The following SYMPK variants were observed in gnomAD, a reference collection of about 807,000 sequenced individuals.
The protein encoded by SYMPK is symplekin scaffold protein.
A neutral mutation model predicts 136.4 loss-of-function variants in SYMPK; 49 were observed. The ratio of observed to expected loss-of-function variants is 0.36; its 90% CI spans 0.29 to 0.46. SYMPK has a LOEUF of 0.46. Among genes scored for constraint, SYMPK ranks in the 20% least tolerant of loss-of-function variants. The pLI is 1.00. For synonymous variants in SYMPK, 766 were observed against 713.0 expected, an observed-to-expected ratio of 1.07 and a Z score of -1.19; for missense variants, 1,365 against 1,690.0, an observed-to-expected ratio of 0.81 and a Z score of 3.37.
At chr19:45,824,367 A>C (rs1325426100) in intron 18 of SYMPK, among the ~76,000 whole-genome samples, 1 of 152,060 alleles carries the variant, frequency 6.6e-6, no homozygotes, top group African/African-American at 2.4e-5. Flanking sequence ...CTCCTGACTA[A>C]AACCGACTGT....
At chr19:45,847,677 G>C (rs1971597966) in intron 7 of SYMPK, 75 bp downstream of exon 7, 1 of 1,532,530 alleles carries the variant, frequency 6.5e-7, no homozygotes, top group Non-Finnish European at 8.8e-7. Context: ...AAGACAAGGG[G>C]GAGAGAGGGA....
At chr19:45,834,018 T>G (rs563552705) in intron 11 of SYMPK, among the ~76,000 whole-genome samples, 1 of 152,204 alleles carries the variant, frequency 6.6e-6, no homozygotes, top group East Asian at 1.9e-4. Flanking sequence ...CCGGGTGCAC[T>G]GGCTCACACC....
Position 45,838,550 on chromosome 19 carries a change from C to T in SYMPK, c.1153G>A (p.Ala385Thr). The T allele has an allele frequency of 6.2e-7, 1 of 1,614,164 alleles. No individual in the cohort carries two copies. Among genetic ancestry groups the T allele is most frequent in the Non-Finnish European group, 8.5e-7 (1 of 1,180,024 alleles). The change falls in exon 10 of 27, where the codon GCC becomes ACC. Residue 385 changes from alanine (A) to threonine (T), a missense_variant. Around this residue, in one of 11 missense-constraint regions of SYMPK, gnomAD observed 111 missense variants for 141.2 expected, o/e 0.79. Coordinates refer to ENST00000245934, the MANE Select transcript of SYMPK (RefSeq NM_004819.3). ...GACTGGCCGGAGATCTGCGCTGAGG[C>T]CTTCGAGGTCCCCGACGGGCCTGGC... is the stretch of plus-strand genomic sequence containing the variant. ...LEPGPSGTSK[A>T]SAQISGQSDT...
Position 45,848,081 on chromosome 19 carries a change from A to C in SYMPK, c.427-80T>G, listed in dbSNP as rs1971611456. ...CATCAATCACCAACACCCTCTGCCA[A>C]TACCCAGAGAACCATGAATGATGAA... On this transcript the variant is annotated intron_variant, in intron 6 of 26. Coordinates refer to ENST00000245934, the MANE Select transcript of SYMPK (RefSeq NM_004819.3). 7 of 1,471,720 alleles carry C rather than the reference A, an allele frequency of 4.8e-6. No individual in the cohort carries two copies. The East Asian group carries it at 1.4e-4, about 29-fold the overall frequency. 91.2% of individuals were successfully genotyped at this position (1,471,720 alleles called of 1,614,324 possible).
intron 7 of SYMPK, among the ~76,000 whole-genome samples, chr19:45,846,904 G>A (rs763268951): frequency 3.3e-5 from 5 of 151,234 alleles, no homozygotes; most frequent in Non-Finnish European, 7.4e-5. Flanking sequence ...AGCGATTCTC[G>A]TGCCTCAGCC....
rs539404614 is a variant in SYMPK, at chr19:45,825,088, T to C, written c.2490+83A>G. On this transcript the variant is annotated intron_variant, in intron 18 of 26. Coordinates refer to ENST00000245934, the MANE Select transcript of SYMPK (RefSeq NM_004819.3). Reference sequence around the variant, plus strand: ...CCTTCGGGCTTGGCACACTCTGAGGTGGAGCAGGTTGGGGAAGAGCTGGAG... The same window carrying C: ...CCTTCGGGCTTGGCACACTCTGAGGCGGAGCAGGTTGGGGAAGAGCTGGAG... The C allele has an allele frequency of 3.3e-6, 5 of 1,529,802 alleles. No individual in the cohort carries two copies. In the East Asian group the frequency reaches 9.1e-5, roughly 28 times the overall value. 94.8% of individuals were successfully genotyped at this position (1,529,802 alleles called of 1,614,324 possible).
intron 6 of SYMPK, 43 bp from the exon 7 acceptor site, chr19:45,848,044 G>A (rs1487212523): frequency 2.6e-6 from 4 of 1,540,918 alleles, no homozygotes; most frequent in South Asian, 1.3e-5. Flanking sequence ...ACACAAAGAG[G>A]TGAAGACAAC....
chr19:45,830,146 G>A lies in SYMPK; in HGVS notation c.1657C>T (p.Leu553Phe), dbSNP rs1487545078. 4 of 1,605,710 alleles carry A rather than the reference G, an allele frequency of 2.5e-6. No homozygotes were observed. Among genetic ancestry groups the A allele is most frequent in the Non-Finnish European group, 3.4e-6 (4 of 1,175,674 alleles). Residue 553 changes from leucine (L) to phenylalanine (F), a missense_variant, in exon 13 of 27, where the codon CTT becomes TTT. Coordinates refer to ENST00000245934, the MANE Select transcript of SYMPK (RefSeq NM_004819.3). The stretch of plus-strand genomic sequence containing the variant: ...ATGGCTTCCACCTGGGCATCGGTAA[G>A]GGGCTTCAGCACGTCGCTGAGACGG... ...IFRLSDVLKP[L>F]TDAQVEAMKL...
At chr19:45,833,939 C>T (rs1971242639) in intron 11 of SYMPK, among the ~76,000 whole-genome samples, 1 of 152,170 alleles carries the variant, frequency 6.6e-6, no homozygotes, top group African/African-American at 2.4e-5. Flanking sequence ...ATCACAAGGT[C>T]AGGAGATTGA....
intron 5 of SYMPK, among the ~76,000 whole-genome samples, chr19:45,849,633 A>T (rs747300157): frequency 3.3e-5 from 5 of 152,258 alleles, no homozygotes; most frequent in Non-Finnish European, 5.9e-5. Context: ...GTACGACAGC[A>T]GTCACATGGT....
chr19:45,849,003 G>T, intron 5 of SYMPK, 127 bp from the exon 6 acceptor site: 1 of 1,138,310 alleles, frequency 8.8e-7, no homozygotes, highest in African/African-American at 1.5e-5. Context: ...ACATCCAGAA[G>T]CTGGGAACAG....
chr19:45,825,749 C>T (rs748703375), intron 17 of SYMPK, among the ~76,000 whole-genome samples: 1 of 152,184 alleles, frequency 6.6e-6, no homozygotes, highest in East Asian at 1.9e-4. Flanking sequence ...GCCCTGGTCT[C>T]TTTGCCTTTG....
At position 45,846,192 on chromosome 19, in the gene SYMPK, C is replaced by T. The variant is rs141931250; in HGVS notation, c.676+1560G>A. 2.1e-3 allele frequency among the ~76,000 whole-genome samples: 318 copies of T among 152,278 alleles called. 1 individual carries two copies. Among genetic ancestry groups the T allele is most frequent in the African/African-American group, 7.2e-3 (300 of 41,552 alleles). The stretch of plus-strand genomic sequence containing the variant: ...CGGAGCATGCAGTGAGCCGAGATAG[C>T]GCTACTGCACTCCAGCCTGGGTGAA... On this transcript the variant is annotated intron_variant, in intron 7 of 26. Transcript: ENST00000245934.
In SYMPK at chr19:45,821,205, G is replaced by A. The variant is rs1185779953; in HGVS notation, c.2893+179C>T. On this transcript the variant is annotated intron_variant, in intron 22 of 26. Transcript: ENST00000245934. The surrounding 1 kb of genome is among the most constrained non-coding windows in gnomAD (Gnocchi z 4.4). ...AAGGAAGGAGGAGGGAGGGAGGGAG[G>A]GAGGGAAGAGGAGGCAAGAAAAGGA... 8 of 656,822 alleles carry A rather than the reference G, an allele frequency of 1.2e-5. No homozygotes were observed. The Admixed American group carries it at 1.5e-4, about 12-fold the overall frequency. The allele number at this position is 656,822 out of a possible 1,614,324, so 40.7% of individuals were successfully genotyped here.
chr19:45,838,161 G>A (rs1971349747), intron 10 of SYMPK, among the ~76,000 whole-genome samples: 1 of 151,786 alleles, frequency 6.6e-6, no homozygotes, highest in Non-Finnish European at 1.5e-5. Flanking sequence ...AAAGTGTGTG[G>A]CACCTCCCTG....
intron 1 of SYMPK, among the ~76,000 whole-genome samples, chr19:45,858,743 G>A (rs999185306): frequency 3.9e-5 from 6 of 152,056 alleles, no homozygotes; most frequent in African/African-American, 9.7e-5. Context: ...TCGAACTCCC[G>A]ACCTCAGGTG....
At chr19:45,835,338 C>CA in intron 10 of SYMPK, 110 bp from the exon 11 acceptor site, 3 of 1,086,918 alleles carry the variant, frequency 2.8e-6, no homozygotes, top group African/African-American at 1.6e-5. Context: ...CCGACTTGGG[C>CA]CTGCTCTCCT....
intron 9 of SYMPK, among the ~76,000 whole-genome samples, chr19:45,841,464 T>C (rs1001554995): frequency 1.3e-5 from 2 of 152,272 alleles, no homozygotes; most frequent in Non-Finnish European, 1.5e-5. Flanking sequence ...AGCTAATTTT[T>C]GTATTATTAG....
intron 1 of SYMPK, among the ~76,000 whole-genome samples, chr19:45,860,895 G>A (rs1971951520): frequency 6.6e-6 from 1 of 152,252 alleles, no homozygotes; most frequent in Admixed American, 6.5e-5. Context: ...GGAAACTGAA[G>A]ACCAGGGAGG....
Sources: gnomAD v4.1 joint callset for allele counts (sites outside exome capture counted in the v4.1 genomes callset) on GRCh38, gnomAD v4.1.1 for gene constraint, gnomAD v4.1.1 regional missense constraint, Gnocchi (gnomAD v3.1) non-coding constraint, MANE v1.5 for transcripts, NCBI Gene and HGNC (gene_info 2026-07-23, HGNC 2026-07-21) for gene names.